TBCD: variants seen among roughly 807,000 people sequenced by gnomAD.
TBCD encodes tubulin-specific chaperone D.
TBCD carries 105 observed loss-of-function variants against 169.3 expected under a neutral mutation model. The ratio of observed to expected loss-of-function variants is 0.62; its 90% confidence interval spans 0.53 to 0.73. TBCD has a LOEUF of 0.73. TBCD is among the 30% of genes least tolerant of loss of function. The pLI is 0.00. For synonymous variants in TBCD, 700 were observed against 643.9 expected (o/e 1.09, Z -1.32); for missense variants, 1,444 against 1,600.1 (o/e 0.90, Z 1.66).
intron 23 of TBCD, among the ~76,000 whole-genome samples, chr17:82,917,740 G>A (rs2061151432): frequency 6.6e-6 from 1 of 152,236 alleles, no homozygotes. Context: ...TTCAGAGCCT[G>A]TGGTGAGGGC....
At chr17:82,873,942 G>A (rs2057783961) in intron 14 of TBCD, among the ~76,000 whole-genome samples, 1 of 152,224 alleles carries the variant, frequency 6.6e-6, no homozygotes, top group Non-Finnish European at 1.5e-5. Flanking sequence ...CTTGCTCCAG[G>A]GTCATCTTTC....
At chr17:82,859,417 G>T (rs181383876) in intron 13 of TBCD, among the ~76,000 whole-genome samples, 1 of 124,940 alleles carries the variant, frequency 8.0e-6, no homozygotes, top group African/African-American at 2.9e-5. Flanking sequence ...TGTCCTCCCC[G>T]CACTGGCTTT....
chr17:82,772,423 C>T (rs540941066), intron 5 of TBCD, 29 bp from the exon 6 acceptor site: 10 of 1,613,512 alleles, frequency 6.2e-6, no homozygotes, highest in Non-Finnish European at 7.6e-6. Context: ...GCAGGAGTGA[C>T]CGTGTCTGTG....
At chr17:82,858,031 G>A (rs1236098004) in intron 13 of TBCD, among the ~76,000 whole-genome samples, 1 of 151,986 alleles carries the variant, frequency 6.6e-6, no homozygotes, top group African/African-American at 2.4e-5. Flanking sequence ...TCCTGCTTCA[G>A]CCTCCCAAGT....
intron 13 of TBCD, among the ~76,000 whole-genome samples, chr17:82,866,234 G>A (rs2057161215): frequency 6.6e-6 from 1 of 152,150 alleles, no homozygotes; most frequent in Non-Finnish European, 1.5e-5. Context: ...CGAGATGTCA[G>A]AGCTGGCAGC....
intron 13 of TBCD, chr17:82,830,785 C>G: frequency 6.2e-7 from 1 of 1,613,626 alleles, no homozygotes; most frequent in Non-Finnish European, 8.5e-7. Context: ...GGGGCCCATC[C>G]CGGAGCTGTC....
At chr17:82,754,294 C>T (rs938066244) in intron 1 of TBCD, among the ~76,000 whole-genome samples, 41 of 152,132 alleles carry the variant, frequency 2.7e-4, no homozygotes, top group Admixed American at 7.9e-4. Flanking sequence ...AATGATCCTC[C>T]GTGATGTGCT....
chr17:82,937,076 C>T (rs747803082), intron 34 of TBCD, 195 bp from the exon 35 acceptor site: 18 of 577,872 alleles, frequency 3.1e-5, no homozygotes, highest in East Asian at 8.4e-5. Flanking sequence ...GTGGCACAGC[C>T]GCTAGGGACC....
At chr17:82,932,611 G>A (rs537341683) in intron 33 of TBCD, 47 bp from the exon 34 acceptor site, 19 of 1,539,796 alleles carry the variant, frequency 1.2e-5, no homozygotes, top group African/African-American at 4.1e-5. Flanking sequence ...GGAGTTGGGC[G>A]TCCTTGTTGC....
At chr17:82,784,438 A>T (rs2144354965) in intron 7 of TBCD, among the ~76,000 whole-genome samples, 1 of 152,138 alleles carries the variant, frequency 6.6e-6, no homozygotes, top group African/African-American at 2.4e-5. Context: ...GGGCAGGCTG[A>T]GGCTGGCCTT....
intron 38 of TBCD, 116 bp downstream of exon 38, chr17:82,941,599 G>A (rs562184021): frequency 1.1e-4 from 97 of 907,994 alleles, no homozygotes; most frequent in African/African-American, 7.2e-4. Context: ...CCGTTCCCTC[G>A]TCTCATGTCA....
chr17:82,882,161 C>T (rs1216700553), intron 14 of TBCD, among the ~76,000 whole-genome samples: 1 of 152,262 alleles, frequency 6.6e-6, no homozygotes, highest in Non-Finnish European at 1.5e-5. Flanking sequence ...AGGACTTTCT[C>T]AACCGGCCCT....
chr17:82,861,277 C>T (rs74753498), intron 13 of TBCD, among the ~76,000 whole-genome samples: 1,567 of 152,236 alleles, frequency 0.01, 20 homozygotes, highest in African/African-American at 0.035. Flanking sequence ...ACATTCATGC[C>T]GCAGGTCCCC....
chr17:82,846,801 C>T (rs2055161261), intron 13 of TBCD, among the ~76,000 whole-genome samples: 1 of 152,224 alleles, frequency 6.6e-6, no homozygotes, highest in South Asian at 2.1e-4. Flanking sequence ...TTTAACTGAA[C>T]AGAGCGCAGC....
chr17:82,775,625 C>G (rs530435460), intron 6 of TBCD, among the ~76,000 whole-genome samples: 5 of 151,868 alleles, frequency 3.3e-5, no homozygotes, highest in Admixed American at 3.3e-4. Flanking sequence ...ACTGAGCTTG[C>G]CAACATCCAC....
rs369627802 is a variant in TBCD at position 82,831,333 on chromosome 17, G to A, written c.1318+16399G>A. On this transcript the variant is annotated intron_variant, in intron 13 of 38. Coordinates refer to ENST00000355528, the MANE Select transcript of TBCD (RefSeq NM_005993.5). This position sits in a 1 kb window ranked among gnomAD's most constrained non-coding sequence, Gnocchi z 4.6. ...CAGGAATTGGACTTTCGAACTCGAC[G>A]TGTTTTCTGTTGGGGTCCGAAGGGT... The A allele has an allele frequency of 5.6e-6, 9 of 1,613,912 alleles. No individual in the cohort carries two copies. The highest frequency in any genetic ancestry group is 5.3e-5 in the African/African-American group (4 of 74,898).
intron 17 of TBCD, among the ~76,000 whole-genome samples, chr17:82,897,947 G>A (rs1232409713): frequency 4.6e-5 from 7 of 151,492 alleles, no homozygotes; most frequent in Non-Finnish European, 1.0e-4. Context: ...CGTGGGTTTT[G>A]GTGTGAGCAC....
chr17:82,906,731 G>A lies in TBCD; in HGVS notation c.1922+678G>A, dbSNP rs746267061. ...GTGCTGGAGACAGTTCCCTGGGAAC[G>A]GGTTGAGAGCAGGGTATGGGCCCAC... On this transcript the variant is annotated intron_variant, in intron 20 of 38. Transcript: ENST00000355528. Among the ~76,000 whole-genome samples the A allele has an allele frequency of 1.8e-4, 28 of 152,368 alleles. No individual in the cohort carries two copies. In the South Asian group the frequency reaches 2.1e-3, roughly 11 times the overall value.
At chr17:82,938,832 GAAA>G (rs1197495551) in intron 36 of TBCD, among the ~76,000 whole-genome samples, 6 of 94,582 alleles carry the variant, frequency 6.3e-5, no homozygotes, top group South Asian at 4.6e-4. Flanking sequence ...CTTCCCTGGT[GAAA>G]AGAGAGCAGG....
Sources: allele counts gnomAD v4.1 joint callset (sites outside exome capture counted in the v4.1 genomes callset), GRCh38; gene constraint gnomAD v4.1.1; non-coding constraint Gnocchi (gnomAD v3.1); transcripts MANE v1.5; gene names NCBI Gene and HGNC (gene_info 2026-07-23, HGNC 2026-07-21).